Variants in ZNF131 observed in about 807,000 individuals in gnomAD.
The protein encoded by ZNF131 is zinc finger and BTB domain containing 35, also known as zinc finger protein 131.
ZNF131 carries 7 observed loss-of-function variants against 60.0 expected under a neutral mutation model. That is an observed-to-expected ratio of 0.12 (90% CI 0.07 to 0.22). The LOEUF (loss-of-function observed/expected upper bound fraction) is 0.22. Among genes scored for constraint, ZNF131 ranks in the 10% least tolerant of loss-of-function variants. The probability of loss-of-function intolerance (pLI) is 1.00; values close to 1 mark genes in which losing one functional copy is unlikely to be tolerated. For missense variants in ZNF131, 493 were observed against 740.9 expected (o/e 0.67, Z 3.88); for synonymous variants, 257 against 253.2 (o/e 1.01, Z -0.14).
chr5:43,141,616 A>G (rs1447624150), intron 4 of ZNF131, among the ~76,000 whole-genome samples: 1 of 152,044 alleles, frequency 6.6e-6, no homozygotes, highest in African/African-American at 2.4e-5. Flanking sequence ...GAAAAATACA[A>G]AAATTAGCTG....
At chr5:43,149,362 G>A (rs143761439) in intron 4 of ZNF131, among the ~76,000 whole-genome samples, 3 of 152,242 alleles carry the variant, frequency 2.0e-5, no homozygotes, top group Non-Finnish European at 4.4e-5. Flanking sequence ...ACGTATATTA[G>A]TGTGTGTATA....
intron 4 of ZNF131, among the ~76,000 whole-genome samples, chr5:43,156,681 G>C (rs1246824361): frequency 6.6e-6 from 1 of 152,090 alleles, no homozygotes; most frequent in Non-Finnish European, 1.5e-5. Context: ...TTTGCATTTG[G>C]GGTTGTGAGG....
intron 6 of ZNF131, 99 bp downstream of exon 6, chr5:43,173,547 G>T: frequency 7.2e-7 from 1 of 1,398,080 alleles, no homozygotes; most frequent in Non-Finnish European, 9.5e-7. Context: ...AGGTATAGGG[G>T]CTGACGGTTT....
At chr5:43,122,280 C>T (rs1364474423) in intron 2 of ZNF131, 103 bp downstream of exon 2, 19 of 1,323,412 alleles carry the variant, frequency 1.4e-5, no homozygotes, top group African/African-American at 1.3e-4. Flanking sequence ...AACCCATCCT[C>T]TATGGTCTCC....
intron 4 of ZNF131, among the ~76,000 whole-genome samples, chr5:43,152,104 G>T (rs150317820): frequency 3.2e-4 from 49 of 152,154 alleles, no homozygotes; most frequent in Middle Eastern, 6.8e-3. Flanking sequence ...CCAGGTTCAA[G>T]TGATTCTCCT....
At chr5:43,160,888 T>G (rs1749609145) in intron 4 of ZNF131, among the ~76,000 whole-genome samples, 1 of 151,774 alleles carries the variant, frequency 6.6e-6, no homozygotes. Flanking sequence ...CCCATGTTAG[T>G]CAGGCTGGTC....
chr5:43,172,722 G>A (rs927081468), intron 5 of ZNF131, among the ~76,000 whole-genome samples: 1 of 151,260 alleles, frequency 6.6e-6, no homozygotes, highest in Non-Finnish European at 1.5e-5. Context: ...TTATACCTCC[G>A]TGCCTCTTTC....
At chr5:43,162,930 C>T (rs1452933252) in intron 5 of ZNF131, among the ~76,000 whole-genome samples, 16 of 105,030 alleles carry the variant, frequency 1.5e-4, no homozygotes, top group African/African-American at 5.0e-4. Flanking sequence ...AAAAAAAAAG[C>T]AATCCCTGAC....
rs2112160155 is a variant in ZNF131 at position 43,176,098 on chromosome 5, G to A, written c.*965G>A. The A allele has an allele frequency of 6.6e-6, 1 of 152,262 alleles. No individual in the cohort carries two copies. The highest frequency in any genetic ancestry group is 2.1e-4 in the South Asian group (1 of 4,828). 9.4% of individuals were successfully genotyped at this position (152,262 alleles called of 1,614,324 possible). ...ATAATTATCAGGCTTTGTTTTGAATGGAATCTTTTCCCCCAATTCTTAATG... is the reference window on the plus strand; with the variant it reads ...ATAATTATCAGGCTTTGTTTTGAATAGAATCTTTTCCCCCAATTCTTAATG... On this transcript the variant is annotated 3_prime_UTR_variant, in exon 7 of 7. Transcript: ENST00000682664.
At chr5:43,139,586 A>C (rs567859343) in intron 4 of ZNF131, among the ~76,000 whole-genome samples, 1 of 152,188 alleles carries the variant, frequency 6.6e-6, no homozygotes, top group Non-Finnish European at 1.5e-5. Flanking sequence ...GATCCTTATA[A>C]ACTGTTTTGT....
At chr5:43,128,236 G>C (rs1744809847) in intron 3 of ZNF131, among the ~76,000 whole-genome samples, 1 of 152,198 alleles carries the variant, frequency 6.6e-6, no homozygotes, top group Admixed American at 6.5e-5. Context: ...AGTCTTGATA[G>C]ATGTATAATT....
At chr5:43,169,883 T>C (rs1264755451) in intron 5 of ZNF131, among the ~76,000 whole-genome samples, 4 of 151,842 alleles carry the variant, frequency 2.6e-5, no homozygotes, top group Admixed American at 2.6e-4. Context: ...CTCCGTCTTC[T>C]GGTTTCAAGC....
chr5:43,159,284 G>A lies in ZNF131; in HGVS notation c.372-1965G>A, dbSNP rs143607269. ...TATACTGCAAACATCCAAACCGAAA[G>A]TTTTCAGTTCACAAGATGTGAGGAA... On this transcript the variant is annotated intron_variant, in intron 4 of 6. Transcript: ENST00000682664. 2.0e-5 allele frequency among the ~76,000 whole-genome samples: 3 copies of A among 152,206 alleles called. No homozygotes were observed. In the East Asian group the frequency reaches 5.8e-4, roughly 29 times the overall value.
In ZNF131 at chr5:43,159,797, G is replaced by A. The variant is rs1749419060; in HGVS notation, c.372-1452G>A. The stretch of plus-strand genomic sequence containing the variant: ...GCTTTTTTATTAACTGTATTTCAGA[G>A]GGCAGTTTTTAATTTTGATGAAATC... On this transcript the variant is annotated intron_variant, in intron 4 of 6. Coordinates refer to ENST00000682664, the MANE Select transcript of ZNF131 (RefSeq NM_001330707.2). Among the ~76,000 whole-genome samples the A allele has an allele frequency of 2.6e-5, 4 of 151,616 alleles. No individual in the cohort carries two copies. The South Asian group carries it at 6.2e-4, about 24-fold the overall frequency.
chr5:43,143,341 A>G (rs1747109265), intron 4 of ZNF131: 3 of 1,297,096 alleles, frequency 2.3e-6, no homozygotes, highest in Non-Finnish European at 2.9e-6. Flanking sequence ...ATTTAAGTGC[A>G]GTGATCCAGG....
chr5:43,130,302 T>C (rs1745164734), intron 3 of ZNF131, among the ~76,000 whole-genome samples: 1 of 131,650 alleles, frequency 7.6e-6, no homozygotes, highest in Admixed American at 8.1e-5. Context: ...AGAGGCAATG[T>C]AGCTGAGAGA....
At chr5:43,164,866 G>A (rs6871615) in intron 5 of ZNF131, among the ~76,000 whole-genome samples, 27,365 of 152,166 alleles carry the variant, frequency 0.18, 2,877 homozygotes, top group Middle Eastern at 0.33. Flanking sequence ...AAAGCAAACC[G>A]AACCCCCACT....
At chr5:43,172,991 C>T (rs1751191410) in intron 5 of ZNF131, 1 of 177,938 alleles carries the variant, frequency 5.6e-6, no homozygotes, top group Admixed American at 5.8e-5. Context: ...GAAAATGATG[C>T]AATTCCGCAA....
intron 4 of ZNF131, among the ~76,000 whole-genome samples, chr5:43,154,254 A>G (rs1450262642): frequency 6.6e-6 from 1 of 152,106 alleles, no homozygotes; most frequent in African/African-American, 2.4e-5. Context: ...TCTACTAAAA[A>G]TACAAAAACG....
Sources: gnomAD v4.1 joint callset for allele counts (sites outside exome capture counted in the v4.1 genomes callset) on GRCh38, gnomAD v4.1.1 for gene constraint, MANE v1.5 for transcripts, NCBI Gene and HGNC (gene_info 2026-07-23, HGNC 2026-07-21) for gene names.